LRP2BP: variants seen among roughly 807,000 people sequenced by gnomAD.
The protein encoded by LRP2BP is LRP2-binding protein.
LRP2BP carries 38 observed loss-of-function variants against 45.2 expected under a neutral mutation model. The ratio of observed to expected loss-of-function variants is 0.84; its 90% CI spans 0.65 to 1.10. The LOEUF (loss-of-function observed/expected upper bound fraction) is 1.10, where lower values mean the gene tolerates loss of function less well. Among genes scored for constraint, LRP2BP ranks in the 50% least tolerant of loss-of-function variants. The pLI, the probability that LRP2BP is intolerant of heterozygous loss-of-function variation, is 0.00. For missense variants in LRP2BP, 385 were observed against 418.9 expected, an observed-to-expected ratio of 0.92 and a Z score of 0.71; for synonymous variants, 153 against 153.9, an observed-to-expected ratio of 0.99 and a Z score of 0.04.
At chr4:185,372,200 T>C (rs1452775061) in intron 7 of LRP2BP, among the ~76,000 whole-genome samples, 8 of 152,202 alleles carry the variant, frequency 5.3e-5, no homozygotes. Context: ...GTAATAAATG[T>C]GTGACATGCC....
At chr4:185,379,812 T>TTC (rs34458591) in intron 1 of LRP2BP, among the ~76,000 whole-genome samples, 7,274 of 149,754 alleles carry the variant, frequency 0.049, 550 homozygotes, top group African/African-American at 0.16. Flanking sequence ...ACCTGCGCAC[T>TTC]TCTCTCTCTC....
chr4:185,382,257 TG>T (rs973098042), intron 1 of LRP2BP, among the ~76,000 whole-genome samples: 2 of 152,236 alleles, frequency 1.3e-5, no homozygotes, highest in Non-Finnish European at 2.9e-5. Context: ...TTAAAAAATC[TG>T]TTCATCAGTT....
intron 1 of LRP2BP, among the ~76,000 whole-genome samples, chr4:185,388,292 C>G (rs928248782): frequency 3.3e-5 from 5 of 151,948 alleles, no homozygotes; most frequent in Non-Finnish European, 5.9e-5. Flanking sequence ...ACAAGTCCAT[C>G]AAGTCTGCTG....
Position 185,370,626 on chromosome 4 carries a change from G to C in LRP2BP, c.978+14C>G. ...TTCTCTTTGGGTGAATTTATATTTT[G>C]TTCTAAAGCTTACTTTAGAATAATA... On this transcript the variant is annotated intron_variant, in intron 8 of 8. Coordinates refer to ENST00000505916, the MANE Select transcript of LRP2BP (RefSeq NM_001377440.1). 1 of 1,611,038 alleles carries C rather than the reference G, an allele frequency of 6.2e-7. No individual in the cohort carries two copies. Among genetic ancestry groups the C allele is most frequent in the East Asian group, 2.2e-5 (1 of 44,802 alleles).
intron 1 of LRP2BP, 93 bp from the exon 2 acceptor site, chr4:185,378,300 A>C: frequency 1.3e-6 from 2 of 1,510,840 alleles, no homozygotes; most frequent in Non-Finnish European, 8.8e-7. Context: ...TCATTAGGAA[A>C]AGCATCCTTC....
At chr4:185,380,112 C>T (rs2095451359) in intron 1 of LRP2BP, among the ~76,000 whole-genome samples, 1 of 152,248 alleles carries the variant, frequency 6.6e-6, no homozygotes, top group South Asian at 2.1e-4. Context: ...AGTGAGTCAC[C>T]GTGTCCAGGC....
At chr4:185,375,927 T>C (rs2095435952) in intron 3 of LRP2BP, among the ~76,000 whole-genome samples, 1 of 152,066 alleles carries the variant, frequency 6.6e-6, no homozygotes, top group South Asian at 2.1e-4. Context: ...AGGCGCACGA[T>C]GAGCCCTCAG....
intron 6 of LRP2BP, among the ~76,000 whole-genome samples, chr4:185,373,411 G>A (rs1055485970): frequency 7.2e-5 from 11 of 152,190 alleles, no homozygotes; most frequent in South Asian, 2.1e-4. Flanking sequence ...TCTGAAAGGC[G>A]TGAGGCACAG....
chr4:185,364,988 GA>G lies in LRP2BP; in HGVS notation c.*2191del. ...TTTTCCATGAGATATCAGCTACAAG[GA>G]ATCTTAGAGAAGGAGTGTGTGTGTG... On this transcript the variant is annotated 3_prime_UTR_variant, in exon 9 of 9. Coordinates refer to ENST00000505916, the MANE Select transcript of LRP2BP (RefSeq NM_001377440.1). 6.7e-6 allele frequency: 1 copy of G among 150,154 alleles called. No individual in the cohort carries two copies. 9.3% of individuals were successfully genotyped at this position (150,154 alleles called of 1,614,324 possible).
At chr4:185,396,828 C>T, upstream of LRP2BP, 5 of 1,355,404 alleles carry the variant, frequency 3.7e-6, no homozygotes, top group Admixed American at 1.7e-5. Flanking sequence ...TTCTCCCGTG[C>T]TAGGGCCAGC....
At chr4:185,396,843 G>T, upstream of LRP2BP, 2 of 1,463,854 alleles carry the variant, frequency 1.4e-6, no homozygotes, top group South Asian at 1.1e-5. Context: ...GCCAGCCTGC[G>T]CATTCTTACC....
intron 1 of LRP2BP, among the ~76,000 whole-genome samples, chr4:185,384,131 G>A (rs1273531410): frequency 6.6e-6 from 1 of 152,160 alleles, no homozygotes; most frequent in African/African-American, 2.4e-5. Flanking sequence ...GCCCTGGGGA[G>A]TGACGGGAGG....
At position 185,366,725 on chromosome 4, in the gene LRP2BP, C is replaced by T. The variant is rs2095389215; in HGVS notation, c.*455G>A. On this transcript the variant is annotated 3_prime_UTR_variant, in exon 9 of 9. Transcript: ENST00000505916. ...GACTGAAAATTTAAATTTTAAATGA[C>T]TGAAACAAAATTTAAACATTATTAT... 1 of 152,036 alleles carries T rather than the reference C, an allele frequency of 6.6e-6. No homozygotes were observed. The highest frequency in any genetic ancestry group is 2.4e-5 in the African/African-American group (1 of 41,360). 9.4% of individuals were successfully genotyped at this position (152,036 alleles called of 1,614,324 possible).
At position 185,395,915 on chromosome 4, in the gene LRP2BP, G is replaced by A; in HGVS notation, c.-1158C>T. ...GCAGATCCTTCTGGAAAGACGCTTAGGGAGAGTCTAGGGAGCAGCTCTGAC... is the reference window on the plus strand; with the variant it reads ...GCAGATCCTTCTGGAAAGACGCTTAAGGAGAGTCTAGGGAGCAGCTCTGAC... On this transcript the variant is annotated 5_prime_UTR_variant, in exon 1 of 9. Coordinates refer to ENST00000505916, the MANE Select transcript of LRP2BP (RefSeq NM_001377440.1). 4.1e-6 allele frequency: 4 copies of A among 985,404 alleles called. No homozygotes were observed. Among genetic ancestry groups the A allele is most frequent in the Non-Finnish European group, 4.8e-6 (4 of 829,880 alleles). The allele number at this position is 985,404 out of a possible 1,614,324, so 61.0% of individuals were successfully genotyped here.
chr4:185,394,507 A>G (rs1463716844), intron 1 of LRP2BP, among the ~76,000 whole-genome samples: 4 of 152,172 alleles, frequency 2.6e-5, no homozygotes, highest in Admixed American at 6.5e-5. Context: ...GTTAGTCTTG[A>G]GGCACAAGTG....
chr4:185,378,406 A>T, intron 1 of LRP2BP, 199 bp from the exon 2 acceptor site: 1 of 1,362,168 alleles, frequency 7.3e-7, no homozygotes. Flanking sequence ...AGAGACAGCC[A>T]TTCTCCATGT....
chr4:185,374,908 T>C (rs1296338261), intron 4 of LRP2BP, among the ~76,000 whole-genome samples: 1 of 152,132 alleles, frequency 6.6e-6, no homozygotes, highest in Non-Finnish European at 1.5e-5. Flanking sequence ...CATTCAAGCA[T>C]ACTTTTACTG....
At chr4:185,377,520 A>AAACAAC (rs756535819) in intron 2 of LRP2BP, 1 of 168,288 alleles carries the variant, frequency 5.9e-6, no homozygotes, top group Non-Finnish European at 1.3e-5. Context: ...CTCCATCTCA[A>AAACAAC]AACAACAACA....
At position 185,370,833 on chromosome 4, in the gene LRP2BP, G is replaced by A; in HGVS notation, c.804-19C>T. ...AGCGATCCTGAGAGGATGTAGAGTT[G>A]TGAAATGGAAAAGACATCAGTTATG... is the stretch of plus-strand genomic sequence containing the variant. On this transcript the variant is annotated intron_variant, in intron 7 of 8. Transcript: ENST00000505916. The A allele has an allele frequency of 1.9e-6, 3 of 1,613,260 alleles. No homozygotes were observed. The highest frequency in any genetic ancestry group is 1.7e-5 in the Admixed American group (1 of 60,014).
Sources: gnomAD v4.1 joint callset for allele counts (sites outside exome capture counted in the v4.1 genomes callset) on GRCh38, gnomAD v4.1.1 for gene constraint, MANE v1.5 for transcripts, NCBI Gene and HGNC (gene_info 2026-07-23, HGNC 2026-07-21) for gene names.